Variants in ANKRD26 observed in about 807,000 individuals in gnomAD.
ANKRD26 encodes the protein ankyrin repeat domain 26, also known as ankyrin repeat domain-containing protein 26.
ANKRD26 carries 141 observed loss-of-function variants against 208.7 expected under a neutral mutation model. The ratio of observed to expected loss-of-function variants is 0.68; its 90% CI spans 0.59 to 0.78. The LOEUF (loss-of-function observed/expected upper bound fraction) is 0.78. Ranked by LOEUF, ANKRD26 falls within the 30% of genes least tolerant of loss-of-function variation. The pLI, the probability that ANKRD26 is intolerant of heterozygous loss-of-function variation, is 0.00. For missense variants in ANKRD26, 1,889 were observed against 1,938.7 expected (o/e 0.97, Z 0.48); for synonymous variants, 636 against 660.4 (o/e 0.96, Z 0.57).
intron 29 of ANKRD26, among the ~76,000 whole-genome samples, chr10:27,022,233 G>T (rs1426240487): frequency 6.6e-6 from 1 of 152,102 alleles, no homozygotes; most frequent in African/African-American, 2.4e-5. Context: ...AGGGACACAC[G>T]GAGGGGAACA....
rs1428566629 is a variant in ANKRD26 at position 26,974,909 on chromosome 10, C to CT, written c.*1414dup. Among the ~76,000 whole-genome samples the CT allele has an allele frequency of 5.4e-5, 8 of 148,654 alleles. No individual in the cohort carries two copies. In the South Asian group the frequency reaches 6.2e-4, roughly 12 times the overall value. On this transcript the variant is annotated 3_prime_UTR_variant and NMD_transcript_variant, in exon 6 of 6. Coordinates refer to the ANKRD26 transcript ENST00000674670. Reference sequence around the variant, plus strand: ...TTATTGTTCTTTGTGGGTGATCAGTCTTTTCTCTCTCACTATTATTAGAAT... The same window carrying CT: ...TTATTGTTCTTTGTGGGTGATCAGTCTTTTTCTCTCTCACTATTATTAGAAT...
At chr10:27,087,904 A>G (rs1375376666) in intron 4 of ANKRD26, among the ~76,000 whole-genome samples, 1 of 151,942 alleles carries the variant, frequency 6.6e-6, no homozygotes, top group Non-Finnish European at 1.5e-5. Context: ...CCTCAGCCCC[A>G]CGAGTAGCTA....
intron 28 of ANKRD26, among the ~76,000 whole-genome samples, chr10:27,024,009 A>AC (rs1554775241): frequency 4.4e-5 from 2 of 44,982 alleles, no homozygotes; most frequent in African/African-American, 9.6e-5. Context: ...CACACACACA[A>AC]AGAGGCAGAA....
intron 16 of ANKRD26, among the ~76,000 whole-genome samples, chr10:27,050,643 C>A (rs1328829294): frequency 6.6e-6 from 1 of 152,162 alleles, no homozygotes; most frequent in Non-Finnish European, 1.5e-5. Flanking sequence ...ATTTTTATAT[C>A]TCTTCTCAGT....
intron 5 of ANKRD26, among the ~76,000 whole-genome samples, chr10:26,993,328 A>C (rs929625998): frequency 6.6e-6 from 1 of 152,212 alleles, no homozygotes; most frequent in African/African-American, 2.4e-5. Flanking sequence ...CACTGTACCC[A>C]ATAGGTGTCA....
downstream of ANKRD26, among the ~76,000 whole-genome samples, chr10:26,968,842 T>C (rs1476086768): frequency 1.3e-5 from 2 of 152,234 alleles, no homozygotes; most frequent in East Asian, 3.8e-4. Context: ...TTATTACTTT[T>C]ATTAACAAAA....
At chr10:27,097,217 T>C (rs2056497011) in intron 1 of ANKRD26, among the ~76,000 whole-genome samples, 1 of 151,560 alleles carries the variant, frequency 6.6e-6, no homozygotes, top group Admixed American at 6.6e-5. Flanking sequence ...GGCTCAAGCC[T>C]GTAATCTCAG....
intron 3 of ANKRD26, among the ~76,000 whole-genome samples, chr10:26,985,648 A>C (rs888762868): frequency 5.3e-5 from 8 of 152,138 alleles, no homozygotes; most frequent in Admixed American, 3.3e-4. Context: ...GAATTTTTAT[A>C]ATTGTCAAAA....
chr10:26,961,034 T>C, the ANKRD26 span, among the ~76,000 whole-genome samples: 2 of 152,058 alleles, frequency 1.3e-5, no homozygotes, highest in Admixed American at 6.6e-5. Flanking sequence ...CTGGCCAACA[T>C]GGTGAAACCC....
intron 3 of ANKRD26, among the ~76,000 whole-genome samples, chr10:26,986,121 G>T (rs933285093): frequency 6.6e-6 from 1 of 152,102 alleles, no homozygotes; most frequent in Non-Finnish European, 1.5e-5. Flanking sequence ...CAGAAATAAT[G>T]CCATATATCT....
exon 6 of ANKRD26, among the ~76,000 whole-genome samples, chr10:26,974,260 C>T (rs780374396): frequency 6.6e-5 from 10 of 151,990 alleles, no homozygotes; most frequent in Non-Finnish European, 1.2e-4. Context: ...TTATTTTTTA[C>T]AATGTTCTTT....
chr10:27,070,923 C>T (rs2055463103), intron 9 of ANKRD26, among the ~76,000 whole-genome samples: 1 of 152,018 alleles, frequency 6.6e-6, no homozygotes. Flanking sequence ...CCTTGGCCTC[C>T]CAAAGTGCTG....
chr10:27,064,814 A>G (rs1195617790), intron 11 of ANKRD26, among the ~76,000 whole-genome samples: 1 of 150,310 alleles, frequency 6.7e-6, no homozygotes, highest in African/African-American at 2.5e-5. Context: ...AACTCTCCCA[A>G]TTAAGAAATA....
Position 26,982,214 on chromosome 10 carries a change from GT to G in ANKRD26, c.*17+478del, listed in dbSNP as rs774271606. 8.5e-5 allele frequency among the ~76,000 whole-genome samples: 13 copies of G among 152,294 alleles called. No individual in the cohort carries two copies. The East Asian group carries it at 2.5e-3, about 29-fold the overall frequency. ...TTGCCAGAGTGAATTCAAGAGAACTGTTTTAGGGTAAAGATCTTGGGCCCCA... is the reference window on the plus strand; with the variant it reads ...TTGCCAGAGTGAATTCAAGAGAACTGTTTAGGGTAAAGATCTTGGGCCCCA... On this transcript the variant is annotated intron_variant and NMD_transcript_variant, in intron 4 of 5. Coordinates refer to the ANKRD26 transcript ENST00000674670.
At chr10:27,006,053 GACAA>G (rs757483482) in intron 33 of ANKRD26, among the ~76,000 whole-genome samples, 1 of 152,084 alleles carries the variant, frequency 6.6e-6, no homozygotes, top group Non-Finnish European at 1.5e-5. Context: ...GAAAAAAACA[GACAA>G]ACATACAATT....
intron 16 of ANKRD26, chr10:27,051,537 T>A: frequency 1.0e-6 from 1 of 984,850 alleles, no homozygotes; most frequent in Non-Finnish European, 1.2e-6. Flanking sequence ...ATTTTCTGTA[T>A]CATTATAAAA....
At chr10:26,972,816 G>T (rs541585815), downstream of ANKRD26, among the ~76,000 whole-genome samples, 26 of 151,894 alleles carry the variant, frequency 1.7e-4, no homozygotes, top group Non-Finnish European at 2.7e-4. Flanking sequence ...GGTCTCGATC[G>T]CCTGACCTTG....
In ANKRD26 at chr10:27,005,106, T is replaced by C; in HGVS notation, c.*484A>G. The C allele has an allele frequency of 2.0e-6, 2 of 984,354 alleles. No homozygotes were observed. Among genetic ancestry groups the C allele is most frequent in the South Asian group, 4.7e-5 (1 of 21,270 alleles). 61.0% of individuals were successfully genotyped at this position (984,354 alleles called of 1,614,324 possible). A position where few individuals can be genotyped will look rare whatever the true frequency, so the allele number is the denominator to read the frequency against. On this transcript the variant is annotated 3_prime_UTR_variant, in exon 34 of 34. Coordinates refer to ENST00000376087, the MANE Select transcript of ANKRD26 (RefSeq NM_014915.3). The stretch of plus-strand genomic sequence containing the variant: ...AAACAGAAAAGGTGAATCAGGCAAA[T>C]CTTGTTTCTCCCTGAGAACAGCTAT...
intron 5 of ANKRD26, among the ~76,000 whole-genome samples, chr10:26,993,230 T>A (rs1355642499): frequency 6.6e-6 from 1 of 152,170 alleles, no homozygotes; most frequent in Non-Finnish European, 1.5e-5. Flanking sequence ...GGGAACATCA[T>A]CTTAACCATC....
Sources: allele counts gnomAD v4.1 joint callset (sites outside exome capture counted in the v4.1 genomes callset), GRCh38; gene constraint gnomAD v4.1.1; transcripts MANE v1.5; gene names NCBI Gene and HGNC (gene_info 2026-07-23, HGNC 2026-07-21).